DNAH11: variants seen among roughly 807,000 people sequenced by gnomAD.
DNAH11 encodes the protein axonemal beta dynein heavy chain 11.
Under a neutral mutation model 526.0 loss-of-function variants are expected in DNAH11, and 442 were observed. That is an observed-to-expected ratio of 0.84 (90% CI 0.78 to 0.91). The LOEUF (loss-of-function observed/expected upper bound fraction) is 0.91. DNAH11 is among the 40% of genes least tolerant of loss of function. The pLI is 0.00. For missense variants in DNAH11, 6,989 were observed against 5,448.7 expected, an observed-to-expected ratio of 1.28 and a Z score of -8.90; for synonymous variants, 2,461 against 1,935.9, an observed-to-expected ratio of 1.27 and a Z score of -7.12.
At chr7:21,718,141 CCTT>C (rs1157400296) in intron 43 of DNAH11, among the ~76,000 whole-genome samples, 1 of 146,180 alleles carries the variant, frequency 6.8e-6, no homozygotes, top group African/African-American at 2.6e-5. Context: ...TTTGTGCTCT[CCTT>C]CTTTTCACAA....
intron 70 of DNAH11, 128 bp downstream of exon 70, chr7:21,864,785 C>T (rs1783209435): frequency 1.1e-6 from 1 of 869,772 alleles, no homozygotes; most frequent in Non-Finnish European, 1.6e-6. Context: ...TAGAAATGCA[C>T]TGTATAATGT....
chr7:21,843,806 AT>A (rs1782310126), intron 66 of DNAH11, among the ~76,000 whole-genome samples: 1 of 152,162 alleles, frequency 6.6e-6, no homozygotes, highest in African/African-American at 2.4e-5. Flanking sequence ...CTAATAATAA[AT>A]TTGAGTATTG....
intron 67 of DNAH11, 50 bp from the exon 68 acceptor site, chr7:21,854,265 G>A (rs1208104481): frequency 6.3e-7 from 1 of 1,590,570 alleles, no homozygotes; most frequent in East Asian, 2.3e-5. Flanking sequence ...GATATGCGTA[G>A]AGAATATGAA....
intron 61 of DNAH11, among the ~76,000 whole-genome samples, chr7:21,791,573 G>T (rs1788481130): frequency 6.6e-6 from 1 of 152,164 alleles, no homozygotes; most frequent in African/African-American, 2.4e-5. Context: ...CCTGTATGTG[G>T]TTCTCAGCCT....
chr7:21,900,862 C>T lies in DNAH11; in HGVS notation c.13304-145C>T, dbSNP rs56268505. The T allele has an allele frequency of 0.18, 245,838 of 1,351,406 alleles. 23,572 individuals carry two copies. Among genetic ancestry groups the T allele is most frequent in the Non-Finnish European group, 0.2 (202,799 of 1,013,188 alleles). The allele number at this position is 1,351,406 out of a possible 1,614,324, so 83.7% of individuals were successfully genotyped here. On this transcript the variant is annotated intron_variant, in intron 81 of 81. Transcript: ENST00000409508. ...GTAACCTACCTTTCAAAGCTCAGTCCGGCCAGCTCAGTAAAAATACCACTG... is the reference window on the plus strand; with the variant it reads ...GTAACCTACCTTTCAAAGCTCAGTCTGGCCAGCTCAGTAAAAATACCACTG...
intron 28 of DNAH11, among the ~76,000 whole-genome samples, chr7:21,641,268 C>G (rs1454104983): frequency 6.6e-6 from 1 of 152,172 alleles, no homozygotes; most frequent in African/African-American, 2.4e-5. Flanking sequence ...GGGACCCAGT[C>G]TTCTACCTTA....
chr7:21,744,322 A>G, intron 49 of DNAH11, 116 bp from the exon 50 acceptor site: 4 of 1,123,064 alleles, frequency 3.6e-6, no homozygotes, highest in Non-Finnish European at 5.2e-6. Flanking sequence ...ATTACTATTG[A>G]TGATATTTCT....
At position 21,570,119 on chromosome 7, in the gene DNAH11, G is replaced by A. The variant is rs1583489640; in HGVS notation, c.1245G>A (p.Glu415=). 3.1e-6 allele frequency: 5 copies of A among 1,612,730 alleles called. No homozygotes were observed. Among genetic ancestry groups the A allele is most frequent in the South Asian group, 1.1e-5 (1 of 90,920 alleles). Residue 415 remains glutamate, a synonymous_variant, in exon 7 of 82, where the codon GAG becomes GAA. Transcript: ENST00000409508. ...PEDLLRGEIE[E]SLEKVQVAVN... ...ACCTTTTGAGGGGAGAAATAGAAGA[G>A]TCACTGGAAAAGGTGCAGGTGGCTG...
intron 54 of DNAH11, 145 bp from the exon 55 acceptor site, chr7:21,765,283 A>C: frequency 8.9e-7 from 1 of 1,124,376 alleles, no homozygotes; most frequent in South Asian, 1.5e-5. Context: ...CAAGGAGGTT[A>C]ATGTTGCTGT....
chr7:21,778,861 T>G, intron 56 of DNAH11, 97 bp from the exon 57 acceptor site: 5 of 1,419,840 alleles, frequency 3.5e-6, no homozygotes, highest in Non-Finnish European at 4.8e-6. Context: ...AAGATACAAA[T>G]TGTTAGAGAT....
rs894541987 is a variant in DNAH11 at position 21,635,901 on chromosome 7, T to A, written c.4531T>A (p.Tyr1511Asn). The part of the protein sequence containing the change: ...VQLQTLLQSK[Y>N]VEYFIEQVLS... ...GTTGCAGACTCTTCTTCAAAGCAAG[T>A]ATGTAGAATATTTCATTGAGCAAGT... Residue 1511 changes from tyrosine (Y) to asparagine (N), a missense_variant, in exon 26 of 82, where the codon TAT becomes AAT. By Grantham distance (143) the Tyr-to-Asn change is moderately radical. Coordinates refer to ENST00000409508, the MANE Select transcript of DNAH11 (RefSeq NM_001277115.2). 1.2e-6 allele frequency: 2 copies of A among 1,612,562 alleles called. No homozygotes were observed. The highest frequency in any genetic ancestry group is 8.5e-7 in the Non-Finnish European group (1 of 1,179,228).
chr7:21,624,463 G>T (rs528621897), intron 25 of DNAH11, among the ~76,000 whole-genome samples: 1 of 152,138 alleles, frequency 6.6e-6, no homozygotes, highest in African/African-American at 2.4e-5. Flanking sequence ...TTAGGATGGA[G>T]CTGTTAGGAT....
At chr7:21,681,877 T>A (rs1783155217) in intron 31 of DNAH11, 200 bp downstream of exon 31, 2 of 717,074 alleles carry the variant, frequency 2.8e-6, no homozygotes, top group South Asian at 3.1e-5. Context: ...CCAAGTGATA[T>A]CCCAAAAGGT....
chr7:21,778,946 CTT>C lies in DNAH11; in HGVS notation c.9337-9_9337-8del. On this transcript the variant is annotated splice_polypyrimidine_tract_variant and intron_variant, in intron 56 of 81. Coordinates refer to ENST00000409508, the MANE Select transcript of DNAH11 (RefSeq NM_001277115.2). ...AAGGCCAGTGACGTAAGAATAATGA[CTT>C]TTGCTTTAGGTGGGAGATCTAAAAG... 1 of 1,611,898 alleles carries C rather than the reference CTT, an allele frequency of 6.2e-7. No individual in the cohort carries two copies. The highest frequency in any genetic ancestry group is 1.3e-5 in the African/African-American group (1 of 74,974).
At chr7:21,678,194 TAC>T (rs897258159) in intron 30 of DNAH11, among the ~76,000 whole-genome samples, 4 of 152,036 alleles carry the variant, frequency 2.6e-5, no homozygotes, top group African/African-American at 4.8e-5. Context: ...TAAGGAATTT[TAC>T]AGTTTCAGGT....
intron 54 of DNAH11, among the ~76,000 whole-genome samples, chr7:21,758,525 C>T (rs926160522): frequency 1.4e-4 from 21 of 152,092 alleles, no homozygotes; most frequent in African/African-American, 5.1e-4. Context: ...CAGCCACTGC[C>T]CACCTAGAGC....
chr7:21,675,690 C>T (rs1001408867), intron 30 of DNAH11, among the ~76,000 whole-genome samples: 1 of 152,128 alleles, frequency 6.6e-6, no homozygotes, highest in African/African-American at 2.4e-5. Context: ...TCAGTTCCTA[C>T]AGCGAGTGTT....
chr7:21,758,890 A>G (rs1786757769), intron 54 of DNAH11, among the ~76,000 whole-genome samples: 1 of 152,194 alleles, frequency 6.6e-6, no homozygotes, highest in Admixed American at 6.5e-5. Flanking sequence ...ATGTGTGTAG[A>G]GTTATCCCAT....
At chr7:21,746,418 A>T (rs973571591) in intron 51 of DNAH11, among the ~76,000 whole-genome samples, 4 of 152,106 alleles carry the variant, frequency 2.6e-5, no homozygotes, top group African/African-American at 9.7e-5. Context: ...TGTCTGGGTG[A>T]CATAGTGGGA....
Sources: allele counts gnomAD v4.1 joint callset (sites outside exome capture counted in the v4.1 genomes callset), GRCh38; gene constraint gnomAD v4.1.1; transcripts MANE v1.5; gene names NCBI Gene and HGNC (gene_info 2026-07-23, HGNC 2026-07-21).